The following CCSER1 variants were observed in gnomAD, a reference collection of about 807,000 sequenced individuals.
The protein encoded by CCSER1 is serine-rich coiled-coil domain-containing protein 1.
CCSER1 carries 41 observed loss-of-function variants against 82.0 expected under a neutral mutation model. The ratio of observed to expected loss-of-function variants is 0.50; its 90% CI spans 0.39 to 0.65. CCSER1 has a LOEUF of 0.65. Among genes scored for constraint, CCSER1 ranks in the 30% least tolerant of loss-of-function variants. CCSER1 has a pLI of 0.00. For missense variants in CCSER1, 1,119 were observed against 1,064.2 expected (o/e 1.05, Z -0.72); for synonymous variants, 414 against 383.9 (o/e 1.08, Z -0.92).
At chr4:91,093,315 C>T (rs959258435) in intron 10 of CCSER1, among the ~76,000 whole-genome samples, 4 of 152,244 alleles carry the variant, frequency 2.6e-5, no homozygotes, top group African/African-American at 7.2e-5. Flanking sequence ...CTAGAATACA[C>T]TGAGTCCAAC....
chr4:90,607,619 T>C (rs1784901704), intron 5 of CCSER1, among the ~76,000 whole-genome samples: 1 of 152,186 alleles, frequency 6.6e-6, no homozygotes, highest in Non-Finnish European at 1.5e-5. Context: ...TTTCCCTTTC[T>C]GTAATACCAG....
At chr4:90,193,315 T>C (rs975293724) in intron 1 of CCSER1, among the ~76,000 whole-genome samples, 2 of 152,028 alleles carry the variant, frequency 1.3e-5, no homozygotes, top group African/African-American at 4.8e-5. Flanking sequence ...AATAAATATA[T>C]AGAGTTGCTA....
chr4:91,128,725 C>A (rs1409161619), intron 10 of CCSER1, among the ~76,000 whole-genome samples: 1 of 151,980 alleles, frequency 6.6e-6, no homozygotes, highest in East Asian at 1.9e-4. Flanking sequence ...GCCTGTGACT[C>A]TGAGTTTATG....
chr4:90,593,099 T>G (rs1301999324), intron 5 of CCSER1, among the ~76,000 whole-genome samples: 1 of 152,162 alleles, frequency 6.6e-6, no homozygotes, highest in African/African-American at 2.4e-5. Flanking sequence ...CAGCTATTAT[T>G]AATGCTTGCA....
intron 3 of CCSER1, among the ~76,000 whole-genome samples, chr4:90,323,349 C>A (rs951256945): frequency 6.6e-6 from 1 of 152,200 alleles, no homozygotes; most frequent in African/African-American, 2.4e-5. Flanking sequence ...TGTGACCTGT[C>A]TTTCAAAGTT....
chr4:91,552,621 T>C (rs557329983), intron 10 of CCSER1, among the ~76,000 whole-genome samples: 4 of 151,628 alleles, frequency 2.6e-5, no homozygotes, highest in Non-Finnish European at 5.9e-5. Flanking sequence ...CACTGGAAGA[T>C]GTATAAGTGG....
chr4:91,484,413 A>G (rs1176250381), intron 10 of CCSER1, among the ~76,000 whole-genome samples: 1 of 152,152 alleles, frequency 6.6e-6, no homozygotes, highest in Non-Finnish European at 1.5e-5. Context: ...AATGACTGAC[A>G]CTAATTGGGG....
chr4:90,394,008 G>T (rs1163183251), intron 3 of CCSER1, among the ~76,000 whole-genome samples: 1 of 151,386 alleles, frequency 6.6e-6, no homozygotes, highest in African/African-American at 2.4e-5. Flanking sequence ...TTAAATTCCT[G>T]GCTTTAAGTG....
At chr4:91,448,624 C>T (rs186385773) in intron 10 of CCSER1, among the ~76,000 whole-genome samples, 2 of 151,738 alleles carry the variant, frequency 1.3e-5, no homozygotes, top group African/African-American at 2.4e-5. Context: ...AATAATTTGG[C>T]GTTTTACCAT....
At chr4:90,802,083 T>C (rs934875506) in intron 7 of CCSER1, among the ~76,000 whole-genome samples, 2 of 151,722 alleles carry the variant, frequency 1.3e-5, no homozygotes, top group Admixed American at 1.3e-4. Context: ...CCAGGCATGG[T>C]GGTGGGTGCC....
At chr4:90,722,538 G>C (rs1202723859) in intron 6 of CCSER1, among the ~76,000 whole-genome samples, 2 of 151,682 alleles carry the variant, frequency 1.3e-5, no homozygotes, top group Non-Finnish European at 3.0e-5. Flanking sequence ...ATAGAACTCC[G>C]GATAAATTTT....
At chr4:91,322,127 ATTGT>A (rs1321817606) in intron 10 of CCSER1, among the ~76,000 whole-genome samples, 3 of 152,110 alleles carry the variant, frequency 2.0e-5, no homozygotes, top group Non-Finnish European at 4.4e-5. Context: ...CTTTCTCCAA[ATTGT>A]TTGTCTTTAG....
At chr4:90,748,666 G>T (rs1206766047) in intron 7 of CCSER1, among the ~76,000 whole-genome samples, 4 of 145,890 alleles carry the variant, frequency 2.7e-5, no homozygotes, top group African/African-American at 1.0e-4. Context: ...GTGTAAAAGT[G>T]TTCCTATTTC....
At chr4:90,627,288 T>C (rs1483133419) in intron 5 of CCSER1, among the ~76,000 whole-genome samples, 1 of 152,134 alleles carries the variant, frequency 6.6e-6, no homozygotes, top group East Asian at 1.9e-4. Flanking sequence ...TAAAATTAAT[T>C]AAAATATATT....
chr4:91,186,602 G>A (rs752690655), intron 10 of CCSER1, among the ~76,000 whole-genome samples: 9 of 152,138 alleles, frequency 5.9e-5, no homozygotes, highest in Non-Finnish European at 1.0e-4. Flanking sequence ...GGTGCGCAGT[G>A]GGAAATCAGG....
chr4:91,275,273 T>G (rs1324617215), intron 10 of CCSER1, among the ~76,000 whole-genome samples: 1 of 152,126 alleles, frequency 6.6e-6, no homozygotes, highest in Non-Finnish European at 1.5e-5. Context: ...GAGTTCCCTT[T>G]TCTTTGCATC....
chr4:91,037,773 A>G (rs1308234723), intron 9 of CCSER1, among the ~76,000 whole-genome samples: 1 of 151,804 alleles, frequency 6.6e-6, no homozygotes, highest in African/African-American at 2.4e-5. Flanking sequence ...AAAATATTTG[A>G]TGGAAATAAT....
chr4:90,791,903 G>A (rs1241593444), intron 7 of CCSER1, among the ~76,000 whole-genome samples: 1 of 151,252 alleles, frequency 6.6e-6, no homozygotes, highest in Non-Finnish European at 1.5e-5. Flanking sequence ...TAGGCTAAAT[G>A]TAAGTTTTAT....
intron 7 of CCSER1, among the ~76,000 whole-genome samples, chr4:90,754,876 T>C (rs1749241758): frequency 6.6e-6 from 1 of 152,178 alleles, no homozygotes; most frequent in South Asian, 2.1e-4. Flanking sequence ...CTGGAGAGCA[T>C]AGGGCTGCTC....
Sources: allele counts gnomAD v4.1 joint callset (sites outside exome capture counted in the v4.1 genomes callset), GRCh38; gene constraint gnomAD v4.1.1; transcripts MANE v1.5; gene names NCBI Gene and HGNC (gene_info 2026-07-23, HGNC 2026-07-21).